CAMK4: variants seen among roughly 807,000 people sequenced by gnomAD.
CAMK4 encodes the protein calcium/calmodulin dependent protein kinase IV.
CAMK4 carries 22 observed loss-of-function variants against 44.9 expected under a neutral mutation model. The ratio of observed to expected loss-of-function variants is 0.49; its 90% CI spans 0.35 to 0.70. CAMK4 has a LOEUF of 0.70. Ranked by LOEUF, CAMK4 falls within the 30% of genes least tolerant of loss-of-function variation. CAMK4 has a pLI of 0.01. For synonymous variants in CAMK4, 218 were observed against 215.4 expected (o/e 1.01, Z -0.11); for missense variants, 498 against 586.8 (o/e 0.85, Z 1.56).
chr5:111,364,277 T>C (rs1392634718), intron 2 of CAMK4, among the ~76,000 whole-genome samples: 1 of 152,054 alleles, frequency 6.6e-6, no homozygotes, highest in African/African-American at 2.4e-5. Flanking sequence ...AAAAAAGTGC[T>C]GGGTAAAGAC....
At chr5:111,229,898 G>A (rs377639101) in intron 1 of CAMK4, among the ~76,000 whole-genome samples, 1 of 152,192 alleles carries the variant, frequency 6.6e-6, no homozygotes, top group African/African-American at 2.4e-5. Context: ...CTGACTGTAA[G>A]CTTCCAGAAG....
intron 2 of CAMK4, among the ~76,000 whole-genome samples, chr5:111,347,759 T>C (rs1412743043): frequency 6.6e-6 from 1 of 151,990 alleles, no homozygotes; most frequent in African/African-American, 2.4e-5. Flanking sequence ...ATTAAACTAA[T>C]TGTATCTGCA....
intron 4 of CAMK4, among the ~76,000 whole-genome samples, chr5:111,390,587 T>A (rs1304425198): frequency 1.3e-5 from 2 of 152,208 alleles, no homozygotes; most frequent in Non-Finnish European, 2.9e-5. Context: ...GTTGAAACTG[T>A]CCTTTATGTT....
At chr5:111,238,216 T>G (rs1273493770) in intron 1 of CAMK4, among the ~76,000 whole-genome samples, 1 of 152,132 alleles carries the variant, frequency 6.6e-6, no homozygotes, top group Non-Finnish European at 1.5e-5. Flanking sequence ...TTCCTTCATC[T>G]CTCCAGAGCC....
chr5:111,349,963 A>T (rs985139961), intron 2 of CAMK4, among the ~76,000 whole-genome samples: 4 of 151,990 alleles, frequency 2.6e-5, no homozygotes, highest in African/African-American at 9.7e-5. Flanking sequence ...TGAGTCTGAG[A>T]TCTAATCTCC....
At chr5:111,294,913 T>A (rs896750296) in intron 1 of CAMK4, among the ~76,000 whole-genome samples, 1 of 152,200 alleles carries the variant, frequency 6.6e-6, no homozygotes, top group Non-Finnish European at 1.5e-5. Context: ...AACTGTTATG[T>A]TTTTCACTTT....
intron 1 of CAMK4, among the ~76,000 whole-genome samples, chr5:111,288,702 A>G (rs1416016105): frequency 6.6e-6 from 1 of 152,206 alleles, no homozygotes; most frequent in Admixed American, 6.5e-5. Context: ...GGTAGAGAGT[A>G]TATATGCTAT....
chr5:111,370,242 T>C (rs1269191596), intron 2 of CAMK4, among the ~76,000 whole-genome samples: 1 of 152,168 alleles, frequency 6.6e-6, no homozygotes, highest in East Asian at 1.9e-4. Context: ...GTTCTGAGTA[T>C]TTTTTGAGTT....
chr5:111,472,146 C>T (rs781344079), intron 7 of CAMK4, among the ~76,000 whole-genome samples: 20 of 152,052 alleles, frequency 1.3e-4, no homozygotes, highest in Admixed American at 3.9e-4. Context: ...CCACCTGCCT[C>T]GATCTCCCAA....
intron 4 of CAMK4, among the ~76,000 whole-genome samples, chr5:111,382,865 T>C (rs1751469622): frequency 6.6e-6 from 1 of 152,242 alleles, no homozygotes; most frequent in South Asian, 2.1e-4. Flanking sequence ...ATCTAATGTT[T>C]GTCCTACTTG....
chr5:111,366,806 A>G (rs1750809997), intron 2 of CAMK4, among the ~76,000 whole-genome samples: 1 of 152,044 alleles, frequency 6.6e-6, no homozygotes, highest in Non-Finnish European at 1.5e-5. Flanking sequence ...CTTGAGTGTC[A>G]TGGAGTCTTG....
rs183553704 is a variant in CAMK4 at position 111,233,101 on chromosome 5, T to C, written c.161+8457T>C. Among the ~76,000 whole-genome samples, 156 of 152,364 alleles carry C rather than the reference T, an allele frequency of 1.0e-3. 1 individual carries two copies. Among genetic ancestry groups the C allele is most frequent in the African/African-American group, 3.5e-3 (146 of 41,590 alleles). Reference sequence around the variant, plus strand: ...TAAAAATGCAAAAATTGTTTTTAGATTGCAGACTCTAGAAAATCAAACGGC... The same window carrying C: ...TAAAAATGCAAAAATTGTTTTTAGACTGCAGACTCTAGAAAATCAAACGGC... On this transcript the variant is annotated intron_variant, in intron 1 of 10. Coordinates refer to ENST00000282356, the MANE Select transcript of CAMK4 (RefSeq NM_001744.6).
At chr5:111,352,550 C>T (rs1053711571) in intron 2 of CAMK4, among the ~76,000 whole-genome samples, 2 of 151,108 alleles carry the variant, frequency 1.3e-5, no homozygotes, top group African/African-American at 4.9e-5. Flanking sequence ...TTTACTGGTT[C>T]AGTTCTGGAG....
At chr5:111,476,339 G>A (rs1755242128) in intron 8 of CAMK4, among the ~76,000 whole-genome samples, 2 of 151,838 alleles carry the variant, frequency 1.3e-5, no homozygotes. Context: ...GAGTGCAGTG[G>A]CGTGATCTCG....
chr5:111,467,222 A>G (rs7443511), intron 7 of CAMK4, among the ~76,000 whole-genome samples: 2 of 152,170 alleles, frequency 1.3e-5, no homozygotes, highest in Non-Finnish European at 1.5e-5. Context: ...AAGACCTAAC[A>G]CCATAAAAAT....
rs74318852 is a variant in CAMK4, at chr5:111,292,621, T to G, written c.162-51403T>G. Among the ~76,000 whole-genome samples, 878 of 152,124 alleles carry G rather than the reference T, an allele frequency of 5.8e-3. 7 individuals are homozygous for G. The highest frequency in any genetic ancestry group is 0.02 in the African/African-American group (841 of 41,492). On this transcript the variant is annotated intron_variant, in intron 1 of 10. Transcript: ENST00000282356. ...GCCTTTTTTTAATCATGAATTTGGA[T>G]TTTTAAAATATATTTGAGGGTCAAG...
chr5:111,419,876 G>A lies in CAMK4; in HGVS notation c.459+25094G>A, dbSNP rs575278444. 8.0e-4 allele frequency among the ~76,000 whole-genome samples: 122 copies of A among 152,260 alleles called. 1 individual carries two copies. Among genetic ancestry groups the A allele is most frequent in the African/African-American group, 2.2e-3 (93 of 41,542 alleles). On this transcript the variant is annotated intron_variant, in intron 5 of 10. Transcript: ENST00000282356. ...GTAGTATAGTTTGAAATCGGGTAGC[G>A]TGATGCCTACGGCTTTGTTCTTTTG...
intron 1 of CAMK4, among the ~76,000 whole-genome samples, chr5:111,227,387 G>A (rs1234191067): frequency 6.6e-6 from 1 of 152,170 alleles, no homozygotes; most frequent in Non-Finnish European, 1.5e-5. Context: ...TAATGCAGTT[G>A]TCATTAATAT....
intron 1 of CAMK4, among the ~76,000 whole-genome samples, chr5:111,252,047 CAG>C (rs1561363335): frequency 6.6e-6 from 1 of 152,186 alleles, no homozygotes; most frequent in Non-Finnish European, 1.5e-5. Flanking sequence ...GTTAGCATAA[CAG>C]AAAGCATCTG....
Sources: gnomAD v4.1 joint callset for allele counts (sites outside exome capture counted in the v4.1 genomes callset) on GRCh38, gnomAD v4.1.1 for gene constraint, MANE v1.5 for transcripts, NCBI Gene and HGNC (gene_info 2026-07-23, HGNC 2026-07-21) for gene names.